RHOBTB1: variants seen among roughly 807,000 people sequenced by gnomAD.
RHOBTB1 encodes Rho related BTB domain containing 1, also known as rho-related BTB domain-containing protein 1.
Under a neutral mutation model 71.6 loss-of-function variants are expected in RHOBTB1, and 40 were observed. The ratio of observed to expected loss-of-function variants is 0.56; its 90% CI spans 0.43 to 0.73. The LOEUF (loss-of-function observed/expected upper bound fraction) is 0.73. Among genes scored for constraint, RHOBTB1 ranks in the 30% least tolerant of loss-of-function variants. The pLI is 0.00. For synonymous variants in RHOBTB1, 319 were observed against 334.9 expected (o/e 0.95, Z 0.52); for missense variants, 797 against 894.0 (o/e 0.89, Z 1.38).
chr10:60,919,973 GA>G (rs539247403), intron 2 of RHOBTB1, among the ~76,000 whole-genome samples: 4 of 152,150 alleles, frequency 2.6e-5, no homozygotes, highest in Non-Finnish European at 4.4e-5. Flanking sequence ...AAAGATGCAT[GA>G]AAATTCCAGG....
At chr10:60,955,318 G>T (rs763703090) in intron 2 of RHOBTB1, among the ~76,000 whole-genome samples, 5 of 152,034 alleles carry the variant, frequency 3.3e-5, no homozygotes, top group Non-Finnish European at 7.4e-5. Context: ...TGGGATTACA[G>T]GCATGAACCA....
In RHOBTB1 at chr10:60,871,669, C is replaced by A. The variant is rs1382148657; in HGVS notation, c.1922-18G>T. The A allele has an allele frequency of 6.2e-7, 1 of 1,611,208 alleles. No homozygotes were observed. Among genetic ancestry groups the A allele is most frequent in the Middle Eastern group, 1.8e-4 (1 of 5,646 alleles). ...CTGGTTGTCTGGTGAAGGAAAGATGCAGACCATAAGACCTGCGGTTCATTG... is the reference window on the plus strand; with the variant it reads ...CTGGTTGTCTGGTGAAGGAAAGATGAAGACCATAAGACCTGCGGTTCATTG... On this transcript the variant is annotated intron_variant, in intron 10 of 10. Transcript: ENST00000337910.
intron 7 of RHOBTB1, among the ~76,000 whole-genome samples, chr10:60,881,897 C>T (rs2081344115): frequency 6.6e-6 from 1 of 152,142 alleles, no homozygotes; most frequent in South Asian, 2.1e-4. Context: ...CTGCTATCTT[C>T]TTTTTGCTGA....
intron 2 of RHOBTB1, among the ~76,000 whole-genome samples, chr10:60,928,485 T>A (rs1326492871): frequency 6.6e-6 from 1 of 151,758 alleles, no homozygotes; most frequent in African/African-American, 2.4e-5. Flanking sequence ...TGGATGGAAC[T>A]GGAGGATATT....
At chr10:60,927,999 TA>T (rs576446556) in intron 2 of RHOBTB1, among the ~76,000 whole-genome samples, 109 of 150,732 alleles carry the variant, frequency 7.2e-4, no homozygotes, top group African/African-American at 2.5e-3. Flanking sequence ...AAATCCAATT[TA>T]AAAATGGCAA....
chr10:60,955,573 A>G (rs2134446564), intron 2 of RHOBTB1, among the ~76,000 whole-genome samples: 1 of 152,332 alleles, frequency 6.6e-6, no homozygotes, highest in African/African-American at 2.4e-5. Flanking sequence ...ATCATTACAA[A>G]GCACAAATAC....
intron 1 of RHOBTB1, among the ~76,000 whole-genome samples, chr10:60,986,416 TATATATATATATATAAA>T (rs2086666990): frequency 6.9e-6 from 1 of 144,460 alleles, no homozygotes; most frequent in South Asian, 2.2e-4. Flanking sequence ...TATATATATA[TATATATATATATATAAA>T]ATATATATAG....
chr10:60,885,078 G>A (rs938796914), intron 7 of RHOBTB1, among the ~76,000 whole-genome samples: 1 of 152,098 alleles, frequency 6.6e-6, no homozygotes, highest in African/African-American at 2.4e-5. Flanking sequence ...ATAGTCTAAT[G>A]CACCTGTAAC....
At chr10:60,886,639 TA>T in intron 6 of RHOBTB1, among the ~76,000 whole-genome samples, 1 of 151,454 alleles carries the variant, frequency 6.6e-6, no homozygotes, top group Middle Eastern at 3.4e-3. Flanking sequence ...AATACTCAAT[TA>T]AACCTTACAT....
chr10:60,903,009 T>A (rs1259321014), intron 4 of RHOBTB1, among the ~76,000 whole-genome samples: 2 of 152,122 alleles, frequency 1.3e-5, no homozygotes, highest in African/African-American at 2.4e-5. Context: ...AAGGAGCCAA[T>A]TTTCCCGCAA....
intron 1 of RHOBTB1, chr10:61,001,310 CAG>C (rs1565229679): frequency 6.6e-6 from 1 of 151,998 alleles, no homozygotes; most frequent in African/African-American, 2.4e-5. Flanking sequence ...TGCGGGTGGG[CAG>C]AGAGACCCCC....
chr10:60,988,338 A>G (rs1389953994), intron 1 of RHOBTB1, among the ~76,000 whole-genome samples: 1 of 152,142 alleles, frequency 6.6e-6, no homozygotes, highest in African/African-American at 2.4e-5. Context: ...TATTCAAGGG[A>G]TACATGTGCA....
At chr10:60,982,319 A>G (rs1397132935) in intron 2 of RHOBTB1, among the ~76,000 whole-genome samples, 1 of 152,154 alleles carries the variant, frequency 6.6e-6, no homozygotes, top group Non-Finnish European at 1.5e-5. Flanking sequence ...TGAACTGTTG[A>G]CAGTACTCAG....
intron 4 of RHOBTB1, among the ~76,000 whole-genome samples, chr10:60,899,811 A>G (rs1564867332): frequency 6.6e-6 from 1 of 152,236 alleles, no homozygotes; most frequent in Non-Finnish European, 1.5e-5. Context: ...AAGAAGAAAA[A>G]TATTAAAAAT....
intron 2 of RHOBTB1, among the ~76,000 whole-genome samples, chr10:60,924,661 A>T (rs2083765793): frequency 6.6e-6 from 1 of 152,232 alleles, no homozygotes; most frequent in African/African-American, 2.4e-5. Flanking sequence ...ACAGACATTT[A>T]CAGAACATTT....
intron 4 of RHOBTB1, among the ~76,000 whole-genome samples, chr10:60,898,523 A>G (rs2082265212): frequency 6.6e-6 from 1 of 152,128 alleles, no homozygotes. Flanking sequence ...GATGGTGCAC[A>G]TAACCACCAG....
chr10:60,867,140 A>G (rs1384770511), downstream of RHOBTB1, among the ~76,000 whole-genome samples: 1 of 152,204 alleles, frequency 6.6e-6, no homozygotes, highest in Non-Finnish European at 1.5e-5. Context: ...CCCATTTTCT[A>G]GATGACTAAA....
chr10:60,862,395 A>T, the RHOBTB1 span, among the ~76,000 whole-genome samples: 133 of 151,962 alleles, frequency 8.8e-4, 1 homozygote, highest in East Asian at 0.025. Flanking sequence ...ATAGCGTTTC[A>T]CCATGTTGGC....
intron 2 of RHOBTB1, among the ~76,000 whole-genome samples, chr10:60,950,415 G>C (rs2085371135): frequency 6.6e-6 from 1 of 152,122 alleles, no homozygotes; most frequent in Non-Finnish European, 1.5e-5. Context: ...GCACATTTAA[G>C]GCTATCTTGC....
Sources: allele counts gnomAD v4.1 joint callset (sites outside exome capture counted in the v4.1 genomes callset), GRCh38; gene constraint gnomAD v4.1.1; transcripts MANE v1.5; gene names NCBI Gene and HGNC (gene_info 2026-07-23, HGNC 2026-07-21).